Variants in FGF13 observed in about 807,000 individuals in gnomAD.
FGF13 encodes fibroblast growth factor homologous factor 2.
Under a neutral mutation model 19.5 loss-of-function variants are expected in FGF13, and 2 were observed. That is an observed-to-expected ratio of 0.10 (90% CI 0.04 to 0.32). The LOEUF is 0.32. Among genes scored for constraint, FGF13 ranks in the 10% least tolerant of loss-of-function variants. The pLI is 1.00. For missense variants in FGF13, 113 were observed against 192.7 expected, an observed-to-expected ratio of 0.59 and a Z score of 2.45; for synonymous variants, 72 against 76.9, an observed-to-expected ratio of 0.94 and a Z score of 0.33.
At chrX:139,173,653 T>C (rs1285964114) in intron 1 of FGF13, among the ~76,000 whole-genome samples, 1 of 111,106 alleles carries the variant, frequency 9.0e-6, no homozygotes, top group Non-Finnish European at 1.9e-5. Flanking sequence ...ACATGCAGTG[T>C]CTGGTTTTCT....
At chrX:138,859,503 G>A (rs2091277292) in intron 2 of FGF13, among the ~76,000 whole-genome samples, 1 of 112,434 alleles carries the variant, frequency 8.9e-6, no homozygotes, top group East Asian at 2.8e-4. Flanking sequence ...TCAGAAGTAC[G>A]TGACAGATAA....
At chrX:139,072,421 A>G (rs2092379993) in intron 1 of FGF13, among the ~76,000 whole-genome samples, 2 of 111,532 alleles carry the variant, frequency 1.8e-5, no homozygotes, top group Non-Finnish European at 3.8e-5. Context: ...TCTAGCCTCC[A>G]GAACTATGAG....
At chrX:139,029,736 T>C (rs1161856843) in intron 1 of FGF13, among the ~76,000 whole-genome samples, 1 of 111,420 alleles carries the variant, frequency 9.0e-6, no homozygotes, top group Admixed American at 9.6e-5. Flanking sequence ...GTACTTAACA[T>C]ACGTTATATG....
At chrX:139,109,346 T>C (rs2083584398) in intron 1 of FGF13, among the ~76,000 whole-genome samples, 1 of 111,612 alleles carries the variant, frequency 9.0e-6, no homozygotes, top group African/African-American at 3.3e-5. Flanking sequence ...ACATGTCACA[T>C]GTGGAGTAAG....
intron 1 of FGF13, among the ~76,000 whole-genome samples, chrX:139,105,896 C>T (rs2083555947): frequency 8.9e-6 from 1 of 111,947 alleles, no homozygotes; most frequent in African/African-American, 3.2e-5. Context: ...AATAATTCAT[C>T]ACAGGTTTCC....
At chrX:138,859,410 G>C (rs1422710027) in intron 2 of FGF13, among the ~76,000 whole-genome samples, 1 of 112,226 alleles carries the variant, frequency 8.9e-6, no homozygotes, top group African/African-American at 3.2e-5. Context: ...CTGCTGTATA[G>C]AAAACATATT....
At chrX:138,646,993 T>G (rs1363673332) in intron 3 of FGF13, among the ~76,000 whole-genome samples, 1 of 110,995 alleles carries the variant, frequency 9.0e-6, no homozygotes, top group Non-Finnish European at 1.9e-5. Flanking sequence ...CCGTGAATGT[T>G]TAACGGGGAA....
chrX:139,092,547 T>G lies in FGF13; in HGVS notation c.-113+110869A>C, dbSNP rs777071522. Among the ~76,000 whole-genome samples, 123 of 112,214 alleles carry G rather than the reference T, an allele frequency of 1.1e-3. 2 individuals are homozygous for G. The highest frequency in any genetic ancestry group is 1.1e-3 in the Non-Finnish European group (61 of 53,243). ...GACCACTGCTTTTCTGGGTCTTAGC[T>G]TCTAGTTGGAGCTTCTTGCTGCACC... is the stretch of plus-strand genomic sequence containing the variant. On this transcript the variant is annotated intron_variant, in intron 1 of 2. Transcript: ENST00000421460.
chrX:139,172,716 T>C (rs991121506), intron 1 of FGF13, among the ~76,000 whole-genome samples: 1 of 112,004 alleles, frequency 8.9e-6, no homozygotes, highest in African/African-American at 3.2e-5. Flanking sequence ...TTTATATTCA[T>C]GTTCCAACAG....
intron 1 of FGF13, among the ~76,000 whole-genome samples, chrX:139,181,559 A>C (rs986007742): frequency 2.7e-5 from 3 of 112,480 alleles, no homozygotes; most frequent in Non-Finnish European, 3.8e-5. Context: ...AAGGAAATGA[A>C]CACAAGGAAG....
At chrX:139,118,139 A>T (rs1370287667) in intron 1 of FGF13, among the ~76,000 whole-genome samples, 3 of 111,910 alleles carry the variant, frequency 2.7e-5, no homozygotes, top group Non-Finnish European at 5.6e-5. Flanking sequence ...AACACTTCAT[A>T]GAAAAGGTAG....
intron 1 of FGF13, among the ~76,000 whole-genome samples, chrX:138,722,471 A>C (rs1004407714): frequency 1.8e-5 from 2 of 111,266 alleles, no homozygotes; most frequent in East Asian, 5.6e-4. Flanking sequence ...GGTCCATGAG[A>C]GGACAGGGGC....
chrX:139,181,004 G>A (rs759859149), intron 1 of FGF13, among the ~76,000 whole-genome samples: 6 of 111,953 alleles, frequency 5.4e-5, no homozygotes, highest in Non-Finnish European at 1.1e-4. Context: ...GCCTCTTAAC[G>A]GCATTTGGAC....
chrX:139,021,405 C>A (rs1022007128), intron 1 of FGF13, among the ~76,000 whole-genome samples: 3 of 110,832 alleles, frequency 2.7e-5, no homozygotes, highest in Non-Finnish European at 5.7e-5. Flanking sequence ...ATAAGTGACA[C>A]AAAATGGCAT....
At chrX:138,717,303 A>G (rs1043790980) in intron 1 of FGF13, among the ~76,000 whole-genome samples, 9 of 112,106 alleles carry the variant, frequency 8.0e-5, no homozygotes, top group Non-Finnish European at 1.5e-4. Flanking sequence ...ATATGTGGGG[A>G]TTTAAGTTTT....
chrX:139,193,187 A>G (rs2084345845), intron 1 of FGF13, among the ~76,000 whole-genome samples: 1 of 110,777 alleles, frequency 9.0e-6, no homozygotes, highest in South Asian at 4.1e-4. Context: ...CAATATGAAA[A>G]TCACTACTAT....
chrX:138,820,673 C>T lies in FGF13; in HGVS notation c.217+36839G>A, dbSNP rs140750491. 1.9e-3 allele frequency among the ~76,000 whole-genome samples: 212 copies of T among 111,935 alleles called. 1 individual carries two copies. Among genetic ancestry groups the T allele is most frequent in the African/African-American group, 6.1e-3 (188 of 30,817 alleles). On this transcript the variant is annotated intron_variant, in intron 3 of 6. Coordinates refer to the FGF13 transcript ENST00000436198. ...CAAATCAACTTACATCTGAAGGTAA[C>T]GCAGTGGAAAAAGTATTTTATTTGA...
intron 1 of FGF13, among the ~76,000 whole-genome samples, chrX:139,183,585 T>C (rs1489215195): frequency 1.8e-5 from 2 of 111,682 alleles, no homozygotes; most frequent in Non-Finnish European, 3.8e-5. Context: ...TCTCTTTTAC[T>C]CCCTCTCATC....
intron 1 of FGF13, among the ~76,000 whole-genome samples, chrX:138,997,585 G>T (rs2092049293): frequency 9.0e-6 from 1 of 111,568 alleles, no homozygotes; most frequent in African/African-American, 3.3e-5. Context: ...GGGTATCAGT[G>T]ATTGAAGATC....
Sources: allele counts gnomAD v4.1 joint callset (sites outside exome capture counted in the v4.1 genomes callset), GRCh38; gene constraint gnomAD v4.1.1; transcripts MANE v1.5; gene names NCBI Gene and HGNC (gene_info 2026-07-23, HGNC 2026-07-21).